Variants in ANK3 observed in about 807,000 individuals in gnomAD.
ANK3 encodes ankyrin-3.
Under a neutral mutation model 370.9 loss-of-function variants are expected in ANK3, and 57 were observed. The observed-to-expected ratio is 0.15, with a 90% CI of 0.12 to 0.19. The LOEUF is 0.19. ANK3 is among the 10% of genes least tolerant of loss of function. The pLI, the probability that ANK3 is intolerant of heterozygous loss-of-function variation, is 1.00. For missense variants in ANK3, 4,439 were observed against 5,302.1 expected, an observed-to-expected ratio of 0.84 and a Z score of 5.06; for synonymous variants, 1,929 against 1,946.3, an observed-to-expected ratio of 0.99 and a Z score of 0.23.
At chr10:60,631,804 C>T (rs1041110479) in intron 1 of ANK3, among the ~76,000 whole-genome samples, 3 of 152,146 alleles carry the variant, frequency 2.0e-5, no homozygotes, top group Admixed American at 6.5e-5. Flanking sequence ...ATAAAAATTA[C>T]CTCTAATCCT....
chr10:60,327,630 G>C (rs890215333), intron 1 of ANK3, among the ~76,000 whole-genome samples: 3 of 152,166 alleles, frequency 2.0e-5, no homozygotes, highest in African/African-American at 4.8e-5. Context: ...AGGCTCAAAG[G>C]CTGTGTCACT....
intron 28 of ANK3, among the ~76,000 whole-genome samples, chr10:60,105,555 A>G (rs2092050564): frequency 1.3e-5 from 2 of 152,206 alleles, no homozygotes; most frequent in Non-Finnish European, 2.9e-5. Flanking sequence ...AAATGTGAAC[A>G]TATTTTCTTC....
At chr10:60,155,363 G>T (rs141161078) in intron 23 of ANK3, among the ~76,000 whole-genome samples, 17 of 152,130 alleles carry the variant, frequency 1.1e-4, no homozygotes, top group Non-Finnish European at 1.5e-5. Context: ...CAGTGCCCAC[G>T]GAAGGAGCAT....
At chr10:60,493,544 G>C (rs10994384) in intron 2 of ANK3, among the ~76,000 whole-genome samples, 2 of 151,944 alleles carry the variant, frequency 1.3e-5, no homozygotes, top group Non-Finnish European at 1.5e-5. Flanking sequence ...TGGTAGTAGG[G>C]GATTGAGACT....
At chr10:60,584,708 T>C (rs966157315) in intron 2 of ANK3, among the ~76,000 whole-genome samples, 1 of 152,242 alleles carries the variant, frequency 6.6e-6, no homozygotes, top group Non-Finnish European at 1.5e-5. Context: ...AATCTACACC[T>C]TTCCTGAGAC....
intron 2 of ANK3, among the ~76,000 whole-genome samples, chr10:60,552,760 C>T (rs1486467157): frequency 6.6e-6 from 1 of 152,184 alleles, no homozygotes; most frequent in African/African-American, 2.4e-5. Flanking sequence ...TATGTCCCCA[C>T]CAAAATCTCA....
chr10:60,258,296 C>G (rs1304275821), intron 7 of ANK3, among the ~76,000 whole-genome samples: 1 of 152,192 alleles, frequency 6.6e-6, no homozygotes, highest in Non-Finnish European at 1.5e-5. Context: ...ACATTAACTC[C>G]CTGCAGCAGA....
At chr10:60,135,948 T>A (rs549692103) in intron 24 of ANK3, among the ~76,000 whole-genome samples, 1 of 152,006 alleles carries the variant, frequency 6.6e-6, no homozygotes, top group East Asian at 1.9e-4. Context: ...TCTGCAGTCA[T>A]TATTTAATGT....
At chr10:60,197,316 G>A (rs1412534925) in intron 14 of ANK3, among the ~76,000 whole-genome samples, 2 of 152,122 alleles carry the variant, frequency 1.3e-5, no homozygotes, top group Non-Finnish European at 2.9e-5. Context: ...TGAGTGGCTG[G>A]CTCCCTCAGA....
intron 1 of ANK3, among the ~76,000 whole-genome samples, chr10:60,631,618 A>G (rs1460161611): frequency 1.3e-5 from 2 of 152,264 alleles, no homozygotes; most frequent in African/African-American, 4.8e-5. Context: ...AGCAATCCAA[A>G]AAGACTCTTC....
At position 60,098,200 on chromosome 10, in the gene ANK3, TAGA is replaced by T. The variant is rs1337322364; in HGVS notation, c.3328+7702_3328+7704del. On this transcript the variant is annotated intron_variant, in intron 28 of 43. Coordinates refer to ENST00000280772, the MANE Select transcript of ANK3 (RefSeq NM_020987.5). ...GCACAATTCTGTTCACATAATAACT[TAGA>T]AGAGTTATATATTCTTTTCGAGGTC... Among the ~76,000 whole-genome samples the T allele has an allele frequency of 7.8e-4, 118 of 152,256 alleles. 2 individuals are homozygous for T. The highest frequency in any genetic ancestry group is 7.4e-5 in the Non-Finnish European group (5 of 68,014).
chr10:60,172,484 G>T, intron 20 of ANK3, 81 bp from the exon 21 acceptor site: 1 of 1,103,136 alleles, frequency 9.1e-7, no homozygotes, highest in Non-Finnish European at 1.4e-6. Context: ...TAAGGTGAGT[G>T]TCTCATCAGA....
upstream of ANK3, among the ~76,000 whole-genome samples, chr10:60,391,767 A>C (rs972063353): frequency 6.6e-6 from 1 of 152,234 alleles, no homozygotes; most frequent in East Asian, 1.9e-4. Context: ...GTTGGAAATT[A>C]GGAAAATAAG....
At chr10:60,091,242 C>T (rs1310219325) in intron 28 of ANK3, among the ~76,000 whole-genome samples, 5 of 152,212 alleles carry the variant, frequency 3.3e-5, no homozygotes, top group Non-Finnish European at 7.3e-5. Flanking sequence ...AAAGAACTTG[C>T]ATCTCTATGA....
chr10:60,239,708 G>T (rs1159703948), intron 7 of ANK3, among the ~76,000 whole-genome samples: 1 of 151,814 alleles, frequency 6.6e-6, no homozygotes, highest in African/African-American at 2.4e-5. Flanking sequence ...AAAAATGAAG[G>T]TAAGTAAAAG....
chr10:60,389,376 A>G (rs1438813802), intron 1 of ANK3, 49 bp downstream of exon 1: 1 of 1,566,256 alleles, frequency 6.4e-7, no homozygotes, highest in Admixed American at 1.7e-5. Flanking sequence ...GAGGGAGATT[A>G]AAACAAAAAG....
chr10:60,639,335 G>T (rs2078597816), intron 1 of ANK3, among the ~76,000 whole-genome samples: 1 of 151,138 alleles, frequency 6.6e-6, no homozygotes, highest in African/African-American at 2.4e-5. Context: ...AAAAAGCTTA[G>T]AGAATTTATT....
In ANK3 at chr10:60,263,979, G is replaced by A. The variant is rs370456295; in HGVS notation, c.555C>T (p.His185=). The change falls in exon 6 of 44, where the codon CAC becomes CAT. Residue 185 remains histidine, a synonymous_variant. Coordinates refer to ENST00000280772, the MANE Select transcript of ANK3 (RefSeq NM_020987.5). The part of the protein sequence containing the change: ...TPLAVALQQG[H]DQVVSLLLEN... ...CTAGCAGGAGCGAAACGACTTGGTCGTGACCTTGTTGCAAAGCCACTGCCA... is the reference window on the plus strand; with the variant it reads ...CTAGCAGGAGCGAAACGACTTGGTCATGACCTTGTTGCAAAGCCACTGCCA... 33 of 1,614,002 alleles carry A rather than the reference G, an allele frequency of 2.0e-5. No individual in the cohort carries two copies. The highest frequency in any genetic ancestry group is 2.6e-5 in the Non-Finnish European group (31 of 1,180,014).
intron 2 of ANK3, among the ~76,000 whole-genome samples, chr10:60,461,869 A>G (rs1308272050): frequency 6.6e-6 from 1 of 152,144 alleles, no homozygotes. Context: ...TGCAATCACC[A>G]AGTCAGCACT....
Sources: gnomAD v4.1 joint callset for allele counts (sites outside exome capture counted in the v4.1 genomes callset) on GRCh38, gnomAD v4.1.1 for gene constraint, MANE v1.5 for transcripts, NCBI Gene and HGNC (gene_info 2026-07-23, HGNC 2026-07-21) for gene names.